Variants in DHRS4L2 observed in about 807,000 individuals in gnomAD.
DHRS4L2 encodes the protein dehydrogenase/reductase 4 like 2, also known as dehydrogenase/reductase SDR family member 4-like 2.
Under a neutral mutation model 23.9 loss-of-function variants are expected in DHRS4L2, and 22 were observed. That is an observed-to-expected ratio of 0.92 (90% CI 0.66 to 1.31). DHRS4L2 has a LOEUF of 1.31. Among genes scored for constraint, DHRS4L2 ranks in the 40% most tolerant of loss-of-function variants. The pLI is 0.00. For synonymous variants in DHRS4L2, 141 were observed against 123.7 expected, an observed-to-expected ratio of 1.14 and a Z score of -0.93; for missense variants, 385 against 303.3, an observed-to-expected ratio of 1.27 and a Z score of -2.00.
At chr14:23,992,467 A>G (rs8005224) in intron 2 of DHRS4L2, among the ~76,000 whole-genome samples, 11,953 of 151,398 alleles carry the variant, frequency 0.079, 1,535 homozygotes, top group African/African-American at 0.26. Context: ...ACCCTGCAAT[A>G]AGAAAAGCCA....
intron 1 of DHRS4L2, among the ~76,000 whole-genome samples, chr14:23,981,331 A>C (rs1280773650): frequency 1.3e-5 from 2 of 151,744 alleles, no homozygotes. Context: ...AAAACAGTCC[A>C]TGCTCATGGA....
At chr14:23,984,036 TAAAAAAAGAAAAAATGTA>T (rs757585172), upstream of DHRS4L2, among the ~76,000 whole-genome samples, 2 of 150,136 alleles carry the variant, frequency 1.3e-5, no homozygotes, top group African/African-American at 2.5e-5. Context: ...TATAATAATT[TAAAAAAAGAAAAAATGTA>T]AAAAAAAGAA....
Position 24,004,602 on chromosome 14 carries a change from G to A in DHRS4L2, c.*22+210G>A, listed in dbSNP as rs978896364. ...CAAAGGTAAACACAGAGACATCGGG[G>A]TTTCAGCAGTGCAGAGGTCTCGGAG... is the stretch of plus-strand genomic sequence containing the variant. On this transcript the variant is annotated intron_variant, in intron 7 of 7. Transcript: ENST00000335125. 3.6e-4 allele frequency: 294 copies of A among 815,992 alleles called. 11 individuals are homozygous for A. Among genetic ancestry groups the A allele is most frequent in the Non-Finnish European group, 5.2e-4 (263 of 502,346 alleles). 50.5% of individuals were successfully genotyped at this position (815,992 alleles called of 1,614,324 possible).
chr14:23,970,916 G>A (rs1644322582), intron 1 of DHRS4L2, among the ~76,000 whole-genome samples: 1 of 152,026 alleles, frequency 6.6e-6, no homozygotes, highest in African/African-American at 2.4e-5. Context: ...AAACAGAAAG[G>A]AATAGCATCA....
intron 3 of DHRS4L2, among the ~76,000 whole-genome samples, chr14:23,995,782 T>C (rs1230357872): frequency 6.6e-6 from 1 of 151,796 alleles, no homozygotes; most frequent in African/African-American, 2.4e-5. Context: ...AAGCTTTAAT[T>C]AAAATATTTG....
At chr14:24,000,096 A>G (rs2034457632) in intron 3 of DHRS4L2, among the ~76,000 whole-genome samples, 2 of 140,084 alleles carry the variant, frequency 1.4e-5, no homozygotes, top group South Asian at 2.2e-4. Flanking sequence ...CTGAGTTTCA[A>G]TGGTTCATTT....
intron 3 of DHRS4L2, among the ~76,000 whole-genome samples, chr14:24,000,394 G>T (rs1384334385): frequency 6.6e-6 from 1 of 150,696 alleles, no homozygotes; most frequent in African/African-American, 2.4e-5. Context: ...GTCCTTCCTA[G>T]AGGGCCAAGA....
At chr14:23,993,864 C>T (rs2034320682) in intron 2 of DHRS4L2, among the ~76,000 whole-genome samples, 1 of 151,634 alleles carries the variant, frequency 6.6e-6, no homozygotes, top group Non-Finnish European at 1.5e-5. Context: ...CCCCAACTCA[C>T]TTTCAGAGGT....
At chr14:24,000,643 TG>T (rs772352191) in intron 3 of DHRS4L2, among the ~76,000 whole-genome samples, 14 of 151,750 alleles carry the variant, frequency 9.2e-5, no homozygotes, top group Non-Finnish European at 2.1e-4. Flanking sequence ...GCTCCATTTT[TG>T]CTCACCTGAA....
chr14:23,988,866 G>A (rs112919965), upstream of DHRS4L2: 5,002 of 1,532,970 alleles, frequency 3.3e-3, 193 homozygotes, highest in African/African-American at 0.05. Context: ...GCAGGGAAGC[G>A]GCCCGCCCTT....
chr14:23,989,662 T>C (rs1314047041), intron 1 of DHRS4L2, among the ~76,000 whole-genome samples: 2 of 151,680 alleles, frequency 1.3e-5, no homozygotes, highest in African/African-American at 4.8e-5. Flanking sequence ...AATACAAATG[T>C]AGATAAAATG....
intron 2 of DHRS4L2, among the ~76,000 whole-genome samples, chr14:23,992,093 AT>A (rs893517420): frequency 6.6e-6 from 1 of 151,652 alleles, no homozygotes; most frequent in African/African-American, 2.4e-5. Flanking sequence ...TTAAAAGGAT[AT>A]GTTTACACAT....
chr14:23,973,283 T>C (rs1437442102), intron 1 of DHRS4L2, among the ~76,000 whole-genome samples: 2 of 151,954 alleles, frequency 1.3e-5, no homozygotes, highest in East Asian at 3.9e-4. Flanking sequence ...CTGCAGTGCA[T>C]TGTGCCGCCA....
chr14:23,991,117 C>A (rs1245558513), intron 2 of DHRS4L2, among the ~76,000 whole-genome samples: 2 of 151,698 alleles, frequency 1.3e-5, no homozygotes, highest in Non-Finnish European at 2.9e-5. Flanking sequence ...AAGGGAGAAT[C>A]TACCCAAAAA....
intron 1 of DHRS4L2, among the ~76,000 whole-genome samples, chr14:23,979,184 T>C (rs1318040359): frequency 6.7e-6 from 1 of 148,882 alleles, no homozygotes; most frequent in Non-Finnish European, 1.5e-5. Context: ...CCAACAAAGA[T>C]CAAAAGAGAC....
chr14:23,988,822 G>A (rs374553574), upstream of DHRS4L2: 16 of 1,420,186 alleles, frequency 1.1e-5, no homozygotes, highest in Admixed American at 5.4e-5. Context: ...CGCCACAGAC[G>A]ACTCCCAGCT....
intron 6 of DHRS4L2, 44 bp from the exon 7 acceptor site, chr14:24,004,293 G>C (rs1190291393): frequency 6.6e-7 from 1 of 1,526,474 alleles, no homozygotes; most frequent in Non-Finnish European, 8.7e-7. Flanking sequence ...AAAAAAGAAA[G>C]GAAAAGAAAA....
chr14:23,993,899 C>T (rs1160431254), intron 2 of DHRS4L2, among the ~76,000 whole-genome samples: 1 of 151,668 alleles, frequency 6.6e-6, no homozygotes, highest in Non-Finnish European at 1.5e-5. Flanking sequence ...CTCTGTGCTA[C>T]AAAGTGGGAG....
intron 3 of DHRS4L2, among the ~76,000 whole-genome samples, chr14:24,000,043 A>T (rs2034456904): frequency 7.3e-6 from 1 of 136,718 alleles, no homozygotes; most frequent in Non-Finnish European, 1.5e-5. Context: ...TGTTCTTTGT[A>T]ATTTTTGATT....
Sources: allele counts gnomAD v4.1 joint callset (sites outside exome capture counted in the v4.1 genomes callset), GRCh38; gene constraint gnomAD v4.1.1; transcripts MANE v1.5; gene names NCBI Gene and HGNC (gene_info 2026-07-23, HGNC 2026-07-21).